ELMO1: variants seen among roughly 807,000 people sequenced by gnomAD.
The protein encoded by ELMO1 is engulfment and cell motility 1.
ELMO1 carries 26 observed loss-of-function variants against 98.9 expected under a neutral mutation model. The observed-to-expected ratio is 0.26, with a 90% CI of 0.19 to 0.36. The LOEUF (loss-of-function observed/expected upper bound fraction) is 0.36. Among genes scored for constraint, ELMO1 ranks in the 10% least tolerant of loss-of-function variants. The probability of loss-of-function intolerance (pLI) is 1.00; values close to 1 mark genes in which losing one functional copy is unlikely to be tolerated. For synonymous variants in ELMO1, 346 were observed against 346.0 expected (o/e 1.00, Z 0.00); for missense variants, 627 against 935.2 (o/e 0.67, Z 4.30).
intron 2 of ELMO1, among the ~76,000 whole-genome samples, chr7:37,326,510 G>A (rs528304001): frequency 9.7e-5 from 14 of 144,474 alleles, no homozygotes; most frequent in African/African-American, 3.1e-4. Flanking sequence ...AGCCGAGATC[G>A]CACCACTGCA....
intron 16 of ELMO1, among the ~76,000 whole-genome samples, chr7:36,974,341 G>A (rs540007384): frequency 1.3e-5 from 2 of 152,314 alleles, no homozygotes; most frequent in East Asian, 3.9e-4. Context: ...TGGGGATGTG[G>A]AGAACCTTTA....
chr7:37,185,551 G>GTA (rs1423588588), intron 13 of ELMO1, among the ~76,000 whole-genome samples: 5 of 152,060 alleles, frequency 3.3e-5, no homozygotes, highest in African/African-American at 7.2e-5. Flanking sequence ...AAACAGCACT[G>GTA]TATATATATA....
chr7:37,143,913 G>A (rs1787811549), intron 13 of ELMO1, among the ~76,000 whole-genome samples: 1 of 151,922 alleles, frequency 6.6e-6, no homozygotes, highest in East Asian at 1.9e-4. Flanking sequence ...GTTTCCTCAT[G>A]TTGGCCAGGC....
At chr7:36,974,618 C>CT (rs199595409) in intron 16 of ELMO1, among the ~76,000 whole-genome samples, 1,895 of 151,094 alleles carry the variant, frequency 0.013, 31 homozygotes, top group African/African-American at 0.045. Context: ...ACAGACCACT[C>CT]GGCTCTACCA....
rs1170177683 is a variant in ELMO1 at position 37,430,927 on chromosome 7, A to C, written c.-74+17748T>G. 5.3e-5 allele frequency among the ~76,000 whole-genome samples: 8 copies of C among 152,230 alleles called. No individual in the cohort carries two copies. The East Asian group carries it at 1.5e-3, about 29-fold the overall frequency. On this transcript the variant is annotated intron_variant, in intron 1 of 21. Coordinates refer to ENST00000310758, the MANE Select transcript of ELMO1 (RefSeq NM_014800.11). ...CTGGATCCCACAAGGCAGCTCAGGGAAGTGTCTAAGGGAACAAATGGGACC... is the reference window on the plus strand; with the variant it reads ...CTGGATCCCACAAGGCAGCTCAGGGCAGTGTCTAAGGGAACAAATGGGACC...
At chr7:37,291,145 G>GT (rs1203070147) in intron 4 of ELMO1, among the ~76,000 whole-genome samples, 1 of 152,082 alleles carries the variant, frequency 6.6e-6, no homozygotes, top group African/African-American at 2.4e-5. Flanking sequence ...ATAAACAGTG[G>GT]TAAGACAACT....
intron 13 of ELMO1, among the ~76,000 whole-genome samples, chr7:37,140,113 C>T (rs967129950): frequency 5.3e-5 from 8 of 151,698 alleles, no homozygotes; most frequent in African/African-American, 7.3e-5. Flanking sequence ...TGGTGGTTCA[C>T]GCCTGTAATC....
intron 4 of ELMO1, among the ~76,000 whole-genome samples, chr7:37,277,761 T>G (rs969892202): frequency 6.6e-6 from 1 of 152,200 alleles, no homozygotes; most frequent in African/African-American, 2.4e-5. Context: ...ACCATCTCCC[T>G]CACCCCCACA....
intron 20 of ELMO1, among the ~76,000 whole-genome samples, chr7:36,866,759 G>A (rs144945264): frequency 5.1e-4 from 78 of 152,256 alleles, no homozygotes; most frequent in African/African-American, 1.8e-3. Context: ...ATTTGCCTTG[G>A]TTGTCATCCA....
At chr7:37,062,403 G>A (rs1796712907) in intron 15 of ELMO1, among the ~76,000 whole-genome samples, 1 of 152,164 alleles carries the variant, frequency 6.6e-6, no homozygotes, top group African/African-American at 2.4e-5. Context: ...GTGGATCTCT[G>A]GGATGTCAGA....
At position 37,342,968 on chromosome 7, in the gene ELMO1, C is replaced by G. The variant is rs1800799241; in HGVS notation, c.-73-205G>C. The G allele has an allele frequency of 2.7e-6, 1 of 371,298 alleles. No homozygotes were observed. The allele number at this position is 371,298 out of a possible 1,614,324, so 23.0% of individuals were successfully genotyped here. A position where few individuals can be genotyped will look rare whatever the true frequency, so the allele number is the denominator to read the frequency against. On this transcript the variant is annotated intron_variant, in intron 1 of 21. Coordinates refer to ENST00000310758, the MANE Select transcript of ELMO1 (RefSeq NM_014800.11). This position sits in a 1 kb window ranked among gnomAD's most constrained non-coding sequence, Gnocchi z 4.3. ...AAAGATGGGGGTGCCCGTGCCAACG[C>G]CCTTGAGTCAAAGCCGCCAGGAGAC...
intron 13 of ELMO1, among the ~76,000 whole-genome samples, chr7:37,194,112 T>C (rs1347040058): frequency 6.6e-6 from 1 of 152,186 alleles, no homozygotes; most frequent in Non-Finnish European, 1.5e-5. Context: ...CAGTTTATTC[T>C]CTGCTCTATA....
chr7:37,024,027 TCCTTCCCTC>T (rs1794429455), intron 15 of ELMO1, among the ~76,000 whole-genome samples: 1 of 152,190 alleles, frequency 6.6e-6, no homozygotes, highest in South Asian at 2.1e-4. Context: ...CCTCTCTTTT[TCCTTCCCTC>T]CCTTCCTTCA....
chr7:37,430,752 A>G (rs1804900146), intron 1 of ELMO1, among the ~76,000 whole-genome samples: 1 of 152,188 alleles, frequency 6.6e-6, no homozygotes, highest in South Asian at 2.1e-4. Flanking sequence ...CTGTTTGTTG[A>G]TTACATTTTT....
chr7:37,348,186 A>G (rs548220177), intron 1 of ELMO1, among the ~76,000 whole-genome samples: 2 of 152,304 alleles, frequency 1.3e-5, no homozygotes, highest in South Asian at 4.1e-4. Context: ...GTGTTATCAA[A>G]ATTACCAAAG....
At chr7:36,945,336 G>T (rs1292342035) in intron 16 of ELMO1, among the ~76,000 whole-genome samples, 1 of 151,992 alleles carries the variant, frequency 6.6e-6, no homozygotes, top group East Asian at 1.9e-4. Context: ...GTTTTGAAAG[G>T]GCTTACAATA....
chr7:37,223,594 C>T (rs1333648343), intron 9 of ELMO1, among the ~76,000 whole-genome samples: 7 of 152,160 alleles, frequency 4.6e-5, no homozygotes, highest in Non-Finnish European at 7.3e-5. Context: ...TGGTAACGTG[C>T]TTTGGGATGA....
intron 1 of ELMO1, among the ~76,000 whole-genome samples, chr7:37,413,195 C>T (rs1804066765): frequency 6.6e-6 from 1 of 151,730 alleles, no homozygotes; most frequent in Non-Finnish European, 1.5e-5. Context: ...TTAATACTTG[C>T]TCTGTCTGAA....
At chr7:37,181,936 C>T (rs897458564) in intron 13 of ELMO1, among the ~76,000 whole-genome samples, 1 of 152,144 alleles carries the variant, frequency 6.6e-6, no homozygotes, top group Non-Finnish European at 1.5e-5. Context: ...ACATAAAACT[C>T]CTGCTTAGAA....
Sources: gnomAD v4.1 joint callset for allele counts (sites outside exome capture counted in the v4.1 genomes callset) on GRCh38, gnomAD v4.1.1 for gene constraint, Gnocchi (gnomAD v3.1) non-coding constraint, MANE v1.5 for transcripts, NCBI Gene and HGNC (gene_info 2026-07-23, HGNC 2026-07-21) for gene names.